The following DPP10 variants were observed in gnomAD, a reference collection of about 807,000 sequenced individuals.
DPP10 encodes inactive dipeptidyl peptidase 10.
DPP10 carries 33 observed loss-of-function variants against 120.9 expected under a neutral mutation model. The ratio of observed to expected loss-of-function variants is 0.27; its 90% confidence interval spans 0.21 to 0.37. The LOEUF is 0.37. Among genes scored for constraint, DPP10 ranks in the 10% least tolerant of loss-of-function variants. The probability of loss-of-function intolerance (pLI) is 1.00; values close to 1 mark genes in which losing one functional copy is unlikely to be tolerated. For synonymous variants in DPP10, 337 were observed against 326.1 expected, an observed-to-expected ratio of 1.03 and a Z score of -0.36; for missense variants, 816 against 942.8, an observed-to-expected ratio of 0.87 and a Z score of 1.76.
At chr2:115,700,799 T>G (rs1011198529) in intron 7 of DPP10, among the ~76,000 whole-genome samples, 1 of 152,030 alleles carries the variant, frequency 6.6e-6, no homozygotes, top group African/African-American at 2.4e-5. Flanking sequence ...ACAATAACTG[T>G]GGGCAATCTG....
chr2:114,942,299 A>C (rs1484672971), intron 1 of DPP10, among the ~76,000 whole-genome samples: 1 of 94,832 alleles, frequency 1.1e-5, no homozygotes, highest in Non-Finnish European at 2.0e-5. Context: ...ATATATATAC[A>C]TATATATATA....
intron 1 of DPP10, among the ~76,000 whole-genome samples, chr2:115,032,192 G>GTTT (rs71883245): frequency 1.1e-3 from 161 of 150,430 alleles, no homozygotes; most frequent in Middle Eastern, 3.4e-3. Context: ...AACTCTAGAA[G>GTTT]TTTTTTTTTT....
At chr2:114,608,371 T>C (rs1208513288) in intron 1 of DPP10, among the ~76,000 whole-genome samples, 2 of 152,114 alleles carry the variant, frequency 1.3e-5, no homozygotes, top group Non-Finnish European at 2.9e-5. Context: ...GGTAAGATGA[T>C]CCCAGAAAAG....
At chr2:114,877,096 G>A (rs1359456380) in intron 1 of DPP10, among the ~76,000 whole-genome samples, 1 of 151,878 alleles carries the variant, frequency 6.6e-6, no homozygotes, top group Non-Finnish European at 1.5e-5. Flanking sequence ...ATGCAGAATC[G>A]CCAAAATTAT....
chr2:114,655,136 G>A (rs1364474349), intron 1 of DPP10, among the ~76,000 whole-genome samples: 1 of 152,106 alleles, frequency 6.6e-6, no homozygotes, highest in Non-Finnish European at 1.5e-5. Flanking sequence ...CAACGACACA[G>A]CATAATGCCT....
At chr2:115,117,942 C>T (rs2049607785) in intron 1 of DPP10, among the ~76,000 whole-genome samples, 1 of 152,134 alleles carries the variant, frequency 6.6e-6, no homozygotes, top group East Asian at 1.9e-4. Flanking sequence ...GAGAAAATAT[C>T]AGGATATTAA....
chr2:114,826,499 GC>G (rs1219306206), intron 1 of DPP10, among the ~76,000 whole-genome samples: 1 of 152,172 alleles, frequency 6.6e-6, no homozygotes, highest in Non-Finnish European at 1.5e-5. Context: ...TGGCATGGGA[GC>G]TTTTGGAATT....
chr2:115,594,493 A>G lies in DPP10; in HGVS notation c.441+68521A>G, dbSNP rs142662964. On this transcript the variant is annotated intron_variant, in intron 5 of 25. Coordinates refer to ENST00000410059, the MANE Select transcript of DPP10 (RefSeq NM_020868.6). Reference sequence around the variant, plus strand: ...AAAAGTCATAAAAAATTATTTCAGTATCTAATAGTCCAGTCCCATGCAATT... The same window carrying G: ...AAAAGTCATAAAAAATTATTTCAGTGTCTAATAGTCCAGTCCCATGCAATT... Among the ~76,000 whole-genome samples, 127 of 152,320 alleles carry G rather than the reference A, an allele frequency of 8.3e-4. 1 individual carries two copies. Among genetic ancestry groups the G allele is most frequent in the African/African-American group, 2.5e-3 (104 of 41,584 alleles).
chr2:114,892,413 T>G (rs901190029), intron 1 of DPP10, among the ~76,000 whole-genome samples: 1 of 152,126 alleles, frequency 6.6e-6, no homozygotes, highest in African/African-American at 2.4e-5. Flanking sequence ...AACAACAAAA[T>G]GAAATGCTTT....
At chr2:114,896,102 T>C (rs1046537230) in intron 1 of DPP10, among the ~76,000 whole-genome samples, 42 of 152,218 alleles carry the variant, frequency 2.8e-4, no homozygotes, top group Non-Finnish European at 8.8e-5. Context: ...TATCTCTGTT[T>C]TGGTAACAGT....
intron 5 of DPP10, among the ~76,000 whole-genome samples, chr2:115,548,881 T>C (rs1423978119): frequency 6.6e-6 from 1 of 152,170 alleles, no homozygotes; most frequent in Non-Finnish European, 1.5e-5. Context: ...TGTGTAATTA[T>C]CCTCTTCTCT....
At chr2:114,547,242 C>T (rs1239893360) in intron 1 of DPP10, among the ~76,000 whole-genome samples, 2 of 152,204 alleles carry the variant, frequency 1.3e-5, no homozygotes, top group South Asian at 4.1e-4. Context: ...CGCTGGCCTT[C>T]TCACCTCCTG....
chr2:115,604,041 G>A (rs2083534659), intron 5 of DPP10, among the ~76,000 whole-genome samples: 1 of 151,042 alleles, frequency 6.6e-6, no homozygotes, highest in South Asian at 2.1e-4. Flanking sequence ...AAAAATGATA[G>A]GGATATGCTG....
chr2:114,601,856 T>C (rs1692394936), intron 1 of DPP10, among the ~76,000 whole-genome samples: 1 of 151,980 alleles, frequency 6.6e-6, no homozygotes, highest in Non-Finnish European at 1.5e-5. Context: ...ATGCAGACCT[T>C]AAAATTAAGG....
At chr2:115,338,326 A>G (rs1404553759) in intron 2 of DPP10, among the ~76,000 whole-genome samples, 2 of 152,168 alleles carry the variant, frequency 1.3e-5, no homozygotes, top group Non-Finnish European at 2.9e-5. Flanking sequence ...TTTTATATCA[A>G]TGTGTTAAAG....
intron 1 of DPP10, among the ~76,000 whole-genome samples, chr2:114,637,899 A>T (rs1185684648): frequency 6.6e-6 from 1 of 151,772 alleles, no homozygotes; most frequent in Non-Finnish European, 1.5e-5. Context: ...GCTGTAGTAT[A>T]GTTTGAAGTT....
intron 20 of DPP10, 133 bp downstream of exon 20, chr2:115,815,120 C>A (rs1282420825): frequency 2.2e-6 from 2 of 889,756 alleles, no homozygotes; most frequent in African/African-American, 1.7e-5. Context: ...AATCATAAAG[C>A]CTATTTCATT....
At chr2:115,183,102 C>T (rs531058736) in intron 1 of DPP10, among the ~76,000 whole-genome samples, 1 of 152,234 alleles carries the variant, frequency 6.6e-6, no homozygotes, top group African/African-American at 2.4e-5. Flanking sequence ...TTTAACACTT[C>T]CCTTGGAATA....
At chr2:115,379,847 A>G (rs951671047) in intron 3 of DPP10, among the ~76,000 whole-genome samples, 1 of 152,134 alleles carries the variant, frequency 6.6e-6, no homozygotes, top group Non-Finnish European at 1.5e-5. Flanking sequence ...TTCAGTTTCC[A>G]TGGAGTTGAG....
Sources: gnomAD v4.1 joint callset for allele counts (sites outside exome capture counted in the v4.1 genomes callset) on GRCh38, gnomAD v4.1.1 for gene constraint, MANE v1.5 for transcripts, NCBI Gene and HGNC (gene_info 2026-07-23, HGNC 2026-07-21) for gene names.